BLOC1S5: variants seen among roughly 807,000 people sequenced by gnomAD.
BLOC1S5 encodes biogenesis of lysosome-related organelles complex 1 subunit 5.
A neutral mutation model predicts 24.3 loss-of-function variants in BLOC1S5; 27 were observed. The observed-to-expected ratio is 1.11, with a 90% confidence interval of 0.82 to 1.53. The LOEUF (loss-of-function observed/expected upper bound fraction) is 1.53. Ranked by LOEUF, BLOC1S5 falls within the 40% of genes most tolerant of loss-of-function variation. The probability of loss-of-function intolerance (pLI) is 0.00; values close to 1 mark genes in which losing one functional copy is unlikely to be tolerated. For missense variants in BLOC1S5, 239 were observed against 229.4 expected (o/e 1.04, Z -0.27); for synonymous variants, 84 against 74.5 (o/e 1.13, Z -0.66).
chr6:8,032,220 C>G (rs1203872580), intron 3 of BLOC1S5, among the ~76,000 whole-genome samples: 1 of 152,052 alleles, frequency 6.6e-6, no homozygotes, highest in African/African-American at 2.4e-5. Context: ...ATGCATCCCA[C>G]AAAAGACTAA....
intron 3 of BLOC1S5, among the ~76,000 whole-genome samples, chr6:8,039,966 G>A (rs1252027491): frequency 6.6e-6 from 1 of 152,202 alleles, no homozygotes; most frequent in African/African-American, 2.4e-5. Flanking sequence ...CCAAGCCTCC[G>A]AGCACCACAT....
At chr6:8,064,073 G>C (rs1308998081) in intron 1 of BLOC1S5, among the ~76,000 whole-genome samples, 192 bp downstream of exon 1, 1 of 152,218 alleles carries the variant, frequency 6.6e-6, no homozygotes, top group East Asian at 1.9e-4. Flanking sequence ...AACACGAAGA[G>C]TTGGGCTGGT....
chr6:8,027,822 CAAAA>C (rs34329491), intron 3 of BLOC1S5, among the ~76,000 whole-genome samples: 1 of 125,364 alleles, frequency 8.0e-6, no homozygotes, highest in Non-Finnish European at 1.7e-5. Flanking sequence ...GACTCCATCT[CAAAA>C]AAAAAAAAAA....
chr6:8,019,915 G>C (rs560958227), intron 4 of BLOC1S5, among the ~76,000 whole-genome samples: 9 of 152,270 alleles, frequency 5.9e-5, no homozygotes, highest in African/African-American at 1.7e-4. Flanking sequence ...GATAATAAGG[G>C]AAGAATAACA....
At position 8,048,337 on chromosome 6, in the gene BLOC1S5, A is replaced by C. The variant is rs115386083; in HGVS notation, c.196-7069T>G. ...GGTGTCTAACCTCCCACTGGGATGT[A>C]GAAATGGAATTCGGAGACTGAGCAC... On this transcript the variant is annotated intron_variant, in intron 2 of 4. Coordinates refer to ENST00000397457, the MANE Select transcript of BLOC1S5 (RefSeq NM_201280.3). Among the ~76,000 whole-genome samples, 335 of 152,376 alleles carry C rather than the reference A, an allele frequency of 2.2e-3. 3 individuals carry two copies. The highest frequency in any genetic ancestry group is 7.6e-3 in the African/African-American group (315 of 41,592).
At chr6:8,055,370 G>C (rs569284266) in intron 2 of BLOC1S5, among the ~76,000 whole-genome samples, 81 of 152,226 alleles carry the variant, frequency 5.3e-4, no homozygotes, top group Non-Finnish European at 1.0e-3. Context: ...AGAAGGTGGA[G>C]GTTGTAGTGA....
intron 2 of BLOC1S5, among the ~76,000 whole-genome samples, chr6:8,055,581 GT>G (rs1333872001): frequency 1.3e-5 from 2 of 152,152 alleles, no homozygotes; most frequent in Admixed American, 6.5e-5. Context: ...AGTGAAATTA[GT>G]TTTCCACTAT....
intron 2 of BLOC1S5, among the ~76,000 whole-genome samples, chr6:8,060,083 A>G (rs1764462523): frequency 6.6e-6 from 1 of 152,250 alleles, no homozygotes; most frequent in African/African-American, 2.4e-5. Flanking sequence ...ATAGACTTAG[A>G]AAATGAATAC....
chr6:8,062,399 TTCA>T, intron 2 of BLOC1S5, 132 bp downstream of exon 2: 1 of 607,288 alleles, frequency 1.6e-6, no homozygotes, highest in South Asian at 2.3e-5. Flanking sequence ...TTTTTACGTC[TTCA>T]TCATTTTTAC....
At chr6:8,035,301 T>C (rs1167627580) in intron 3 of BLOC1S5, among the ~76,000 whole-genome samples, 1 of 151,222 alleles carries the variant, frequency 6.6e-6, no homozygotes, top group Non-Finnish European at 1.5e-5. Flanking sequence ...CAGACACCAC[T>C]GTTCCCCAAA....
At chr6:8,049,154 T>C (rs1341845423) in intron 2 of BLOC1S5, among the ~76,000 whole-genome samples, 1 of 151,436 alleles carries the variant, frequency 6.6e-6, no homozygotes, top group Non-Finnish European at 1.5e-5. Flanking sequence ...GCAGATCACA[T>C]GAGGTCAGGA....
At chr6:8,037,468 A>T (rs1763525415) in intron 3 of BLOC1S5, among the ~76,000 whole-genome samples, 1 of 152,244 alleles carries the variant, frequency 6.6e-6, no homozygotes, top group Non-Finnish European at 1.5e-5. Flanking sequence ...GATGAAAAAA[A>T]TTGAAGAGGG....
chr6:8,051,431 TAAGGA>T (rs1398683958), intron 2 of BLOC1S5, among the ~76,000 whole-genome samples: 4 of 152,142 alleles, frequency 2.6e-5, no homozygotes, highest in African/African-American at 9.7e-5. Flanking sequence ...TCATGAGATT[TAAGGA>T]AAGACACCAT....
intron 3 of BLOC1S5, among the ~76,000 whole-genome samples, chr6:8,034,885 C>T (rs1165410376): frequency 6.6e-6 from 1 of 151,978 alleles, no homozygotes; most frequent in African/African-American, 2.4e-5. Context: ...AATATGGAAC[C>T]AGCCCAAATG....
At chr6:8,020,594 C>T (rs554853103) in intron 4 of BLOC1S5, among the ~76,000 whole-genome samples, 1 of 152,302 alleles carries the variant, frequency 6.6e-6, no homozygotes, top group South Asian at 2.1e-4. Context: ...TTTGCTGGAA[C>T]AAATCTGGAG....
At chr6:8,028,049 G>A (rs1202690497) in intron 3 of BLOC1S5, among the ~76,000 whole-genome samples, 1 of 152,090 alleles carries the variant, frequency 6.6e-6, no homozygotes. Flanking sequence ...TCAGGTGTGT[G>A]TGTATCCTAC....
At chr6:8,038,915 C>T (rs1763586292) in intron 3 of BLOC1S5, among the ~76,000 whole-genome samples, 1 of 152,088 alleles carries the variant, frequency 6.6e-6, no homozygotes, top group Admixed American at 6.5e-5. Context: ...GGAGGTTCCT[C>T]AAAAAACTAA....
At chr6:8,056,261 G>C (rs887819177) in intron 2 of BLOC1S5, among the ~76,000 whole-genome samples, 1 of 152,140 alleles carries the variant, frequency 6.6e-6, no homozygotes, top group Non-Finnish European at 1.5e-5. Flanking sequence ...GATCTATCTG[G>C]TGGGAATTTT....
chr6:8,041,671 C>G (rs142840757), intron 2 of BLOC1S5, among the ~76,000 whole-genome samples: 5,216 of 35,172 alleles, frequency 0.15, 338 homozygotes, highest in African/African-American at 0.28. Context: ...TTTTGAGATG[C>G]AGTCTCGCCC....
Sources: gnomAD v4.1 joint callset for allele counts (sites outside exome capture counted in the v4.1 genomes callset) on GRCh38, gnomAD v4.1.1 for gene constraint, MANE v1.5 for transcripts, NCBI Gene and HGNC (gene_info 2026-07-23, HGNC 2026-07-21) for gene names.